The following C7 variants were observed in gnomAD, a reference collection of about 807,000 sequenced individuals.
The protein encoded by C7 is complement C7, also known as complement component C7.
A neutral mutation model predicts 104.8 loss-of-function variants in C7; 83 were observed. The ratio of observed to expected loss-of-function variants is 0.79; its 90% CI spans 0.66 to 0.95. C7 has a LOEUF of 0.95. C7 is among the 40% of genes least tolerant of loss of function. The pLI, the probability that C7 is intolerant of heterozygous loss-of-function variation, is 0.00. For missense variants in C7, 1,070 were observed against 1,011.2 expected, an observed-to-expected ratio of 1.06 and a Z score of -0.79; for synonymous variants, 415 against 360.6, an observed-to-expected ratio of 1.15 and a Z score of -1.71.
chr5:40,946,028 T>G (rs899668766), intron 7 of C7, among the ~76,000 whole-genome samples: 6 of 151,440 alleles, frequency 4.0e-5, no homozygotes, highest in Non-Finnish European at 5.9e-5. Flanking sequence ...ATTTCTTAAA[T>G]TTGTGATTAC....
At position 40,972,474 on chromosome 5, in the gene C7, G is replaced by A; in HGVS notation, c.1954G>A (p.Gly652Ser). 6.2e-7 allele frequency: 1 copy of A among 1,613,826 alleles called. No individual in the cohort carries two copies. Among genetic ancestry groups the A allele is most frequent in the Non-Finnish European group, 8.5e-7 (1 of 1,179,746 alleles). Residue 652 changes from glycine (G) to serine (S), a missense_variant, in exon 15 of 18, where the codon GGT becomes AGT. Gly to Ser is a moderately conservative substitution (Grantham distance 56). Transcript: ENST00000313164. ...CCCCCAAAAACCTTTCTACACAGTT[G>A]GTGAGAAGGTGACTGTTTCCTGTTC... ...SHPQKPFYTVGEKVTVSCSGG... is the reference protein window; with the variant it reads ...SHPQKPFYTVSEKVTVSCSGG...
chr5:40,967,027 C>A (rs112319893), intron 14 of C7, among the ~76,000 whole-genome samples: 5 of 150,826 alleles, frequency 3.3e-5, no homozygotes, highest in Admixed American at 2.6e-4. Flanking sequence ...TATTGTGAAC[C>A]GACTGATGAA....
At chr5:40,934,546 T>G in intron 4 of C7, 80 bp downstream of exon 4, 1 of 1,379,608 alleles carries the variant, frequency 7.2e-7, no homozygotes, top group South Asian at 1.3e-5. Flanking sequence ...ATATATTTGT[T>G]AAATTTTACT....
intron 13 of C7, among the ~76,000 whole-genome samples, chr5:40,962,557 C>T (rs1469639134): frequency 1.3e-5 from 2 of 152,124 alleles, no homozygotes; most frequent in African/African-American, 4.8e-5. Flanking sequence ...TAACTGTAGG[C>T]CCTGGGATGA....
At chr5:40,973,353 A>C (rs528622276) in intron 15 of C7, among the ~76,000 whole-genome samples, 3 of 152,354 alleles carry the variant, frequency 2.0e-5, no homozygotes, top group African/African-American at 7.2e-5. Flanking sequence ...ACTCACTTGC[A>C]TACTATTTTA....
At chr5:40,931,438 A>G (rs1031842018) in intron 3 of C7, among the ~76,000 whole-genome samples, 3 of 152,244 alleles carry the variant, frequency 2.0e-5, no homozygotes, top group African/African-American at 7.2e-5. Context: ...TATGAGAGAA[A>G]TAGGAATAAC....
rs138758260 is a variant in C7 at position 40,951,397 on chromosome 5, A to C, written c.1093+1383A>C. Among the ~76,000 whole-genome samples the C allele has an allele frequency of 3.5e-3, 534 of 152,252 alleles. 2 individuals carry two copies. The highest frequency in any genetic ancestry group is 4.9e-3 in the Non-Finnish European group (330 of 68,014). ...CAAATACTGCACATTCTTACTTTTAAGTGGGAGTTAAACACTGGGTACTTA... is the reference window on the plus strand; with the variant it reads ...CAAATACTGCACATTCTTACTTTTACGTGGGAGTTAAACACTGGGTACTTA... On this transcript the variant is annotated intron_variant, in intron 9 of 17. Coordinates refer to ENST00000313164, the MANE Select transcript of C7 (RefSeq NM_000587.4).
intron 1 of C7, among the ~76,000 whole-genome samples, chr5:40,922,841 A>G (rs1739469693): frequency 6.6e-6 from 1 of 152,204 alleles, no homozygotes; most frequent in African/African-American, 2.4e-5. Context: ...AATGAATTAG[A>G]CTTAAATGTA....
chr5:40,955,242 C>T, intron 9 of C7, 145 bp from the exon 10 acceptor site: 1 of 667,650 alleles, frequency 1.5e-6, no homozygotes, highest in Non-Finnish European at 2.5e-6. Flanking sequence ...TTGTGCTCTG[C>T]CTATTCATCC....
Position 40,981,432 on chromosome 5 carries a change from C to T in C7, c.2391C>T (p.Cys797=), listed in dbSNP as rs757307981. 3.4e-5 allele frequency: 55 copies of T among 1,613,206 alleles called. 3 individuals are homozygous for T. In the South Asian group the frequency reaches 3.5e-4, roughly 10 times the overall value. ...GTGTCTGCCGAGAAGCATCGGAGTG[C>T]GAGGAAGAAGGGTTTAGCATTTGTG... is the stretch of plus-strand genomic sequence containing the variant. ...SKCVCREASE[C]EEEGFSICVE... is the part of the protein sequence containing the mutation. Residue 797 remains cysteine (C), a synonymous_variant, in exon 18 of 18, where the codon TGC becomes TGT. Transcript: ENST00000313164.
chr5:40,981,481 A>C lies in C7; in HGVS notation c.2440A>C (p.Thr814Pro), dbSNP rs759209059. 1.2e-6 allele frequency: 2 copies of C among 1,613,836 alleles called. No individual in the cohort carries two copies. The highest frequency in any genetic ancestry group is 1.7e-6 in the Non-Finnish European group (2 of 1,179,790). ...ICVEVNGKEQTMSECEAGALR... is the reference protein window; with the variant it reads ...ICVEVNGKEQPMSECEAGALR... ...TGTGGAAGTGAACGGCAAGGAGCAG[A>C]CGATGTCTGAGTGTGAGGCGGGCGC... is the stretch of plus-strand genomic sequence containing the variant. The change falls in exon 18 of 18, where the codon ACG (threonine) becomes CCG (proline). Residue 814 changes from threonine (T) to proline (P), a missense_variant. Physicochemically the swap from Thr to Pro is conservative, Grantham distance 38. Transcript: ENST00000313164.
Position 40,979,711 on chromosome 5 carries a change from A to G in C7, c.2166-14A>G. Reference sequence around the variant, plus strand: ...AAAAATCTTGTAAATAATGTCATTAAAAATTCTTTTCAGACCTTCCTTGGA... The same window carrying G: ...AAAAATCTTGTAAATAATGTCATTAGAAATTCTTTTCAGACCTTCCTTGGA... On this transcript the variant is annotated splice_polypyrimidine_tract_variant and intron_variant, in intron 16 of 17. Transcript: ENST00000313164. The G allele has an allele frequency of 1.9e-6, 3 of 1,599,896 alleles. No individual in the cohort carries two copies. Among genetic ancestry groups the G allele is most frequent in the Non-Finnish European group, 2.6e-6 (3 of 1,171,470 alleles).
At chr5:40,940,993 C>T (rs1739923850) in intron 6 of C7, among the ~76,000 whole-genome samples, 1 of 151,158 alleles carries the variant, frequency 6.6e-6, no homozygotes, top group Non-Finnish European at 1.5e-5. Flanking sequence ...TATCGTGTCT[C>T]ATTCTATATG....
intron 2 of C7, among the ~76,000 whole-genome samples, chr5:40,928,985 T>A (rs1739618425): frequency 1.3e-5 from 2 of 152,166 alleles, no homozygotes; most frequent in South Asian, 2.1e-4. Context: ...CAAAGCATCC[T>A]CTGGATTTTA....
At chr5:40,914,003 A>AT (rs1043996041) in intron 1 of C7, among the ~76,000 whole-genome samples, 69 of 152,196 alleles carry the variant, frequency 4.5e-4, no homozygotes, top group African/African-American at 1.1e-3. Context: ...TTTAAGAATT[A>AT]TTTTTTGTAG....
At chr5:40,943,251 A>T (rs1232177816) in intron 6 of C7, among the ~76,000 whole-genome samples, 1 of 152,244 alleles carries the variant, frequency 6.6e-6, no homozygotes, top group Non-Finnish European at 1.5e-5. Flanking sequence ...GTGGAAGAAC[A>T]TGTTTCTATA....
intron 1 of C7, among the ~76,000 whole-genome samples, chr5:40,919,709 TCAACAACCAA>T (rs1379228854): frequency 6.6e-6 from 1 of 152,072 alleles, no homozygotes; most frequent in Non-Finnish European, 1.5e-5. Context: ...AGCATGCTCC[TCAACAACCAA>T]TAGGTCAATG....
chr5:40,914,094 G>A (rs141454547), intron 1 of C7, among the ~76,000 whole-genome samples: 3 of 152,278 alleles, frequency 2.0e-5, no homozygotes, highest in East Asian at 3.9e-4. Context: ...CTCTCAAAGT[G>A]TTGGGATTAC....
intron 3 of C7, among the ~76,000 whole-genome samples, chr5:40,933,046 A>G (rs1172602010): frequency 6.6e-6 from 1 of 152,164 alleles, no homozygotes; most frequent in African/African-American, 2.4e-5. Flanking sequence ...TAAGTCACAC[A>G]TGAGCGGTAT....
Sources: allele counts gnomAD v4.1 joint callset (sites outside exome capture counted in the v4.1 genomes callset), GRCh38; gene constraint gnomAD v4.1.1; transcripts MANE v1.5; gene names NCBI Gene and HGNC (gene_info 2026-07-23, HGNC 2026-07-21).